PPP2R3A: variants seen among roughly 807,000 people sequenced by gnomAD.
The protein encoded by PPP2R3A is serine/threonine-protein phosphatase 2A regulatory subunit B'' subunit alpha.
PPP2R3A carries 80 observed loss-of-function variants against 106.9 expected under a neutral mutation model. The ratio of observed to expected loss-of-function variants is 0.75; its 90% CI spans 0.62 to 0.90. PPP2R3A has a LOEUF of 0.90. Ranked by LOEUF, PPP2R3A falls within the 40% of genes least tolerant of loss-of-function variation. PPP2R3A has a pLI of 0.00. For synonymous variants in PPP2R3A, 483 were observed against 468.3 expected, an observed-to-expected ratio of 1.03 and a Z score of -0.41; for missense variants, 1,386 against 1,350.4, an observed-to-expected ratio of 1.03 and a Z score of -0.41.
At chr3:136,099,333 A>C (rs901754654) in intron 10 of PPP2R3A, among the ~76,000 whole-genome samples, 2 of 152,218 alleles carry the variant, frequency 1.3e-5, no homozygotes, top group Non-Finnish European at 2.9e-5. Flanking sequence ...AGCCTCTTGC[A>C]CAAAAGATAA....
chr3:135,993,275 G>T (rs1933251306), intron 1 of PPP2R3A, among the ~76,000 whole-genome samples: 7 of 151,948 alleles, frequency 4.6e-5, no homozygotes, highest in Admixed American at 4.6e-4. Context: ...CACAAAAGAA[G>T]ATATATATGA....
intron 2 of PPP2R3A, among the ~76,000 whole-genome samples, chr3:136,010,258 C>CT (rs35997478): frequency 0.032 from 3,899 of 121,260 alleles, 95 homozygotes; most frequent in Middle Eastern, 0.047. Flanking sequence ...TTCTTTCTTT[C>CT]TTTTTTTTTT....
At chr3:136,055,290 T>C (rs1374959260) in intron 5 of PPP2R3A, 3 of 880,908 alleles carry the variant, frequency 3.4e-6, no homozygotes, top group Non-Finnish European at 5.8e-6. Context: ...CCTGAGTCTG[T>C]TGTGTTGGTG....
intron 3 of PPP2R3A, among the ~76,000 whole-genome samples, chr3:136,034,206 T>C (rs569499796): frequency 6.6e-6 from 1 of 152,174 alleles, no homozygotes; most frequent in East Asian, 1.9e-4. Flanking sequence ...CAGCTAATTT[T>C]TGTATTTTTT....
At chr3:136,064,975 A>G (rs957698291) in intron 5 of PPP2R3A, among the ~76,000 whole-genome samples, 1 of 152,238 alleles carries the variant, frequency 6.6e-6, no homozygotes, top group Admixed American at 6.5e-5. Context: ...AAACCTGCAC[A>G]ACATAAAAGT....
chr3:136,088,028 A>G (rs780449202), intron 9 of PPP2R3A, 97 bp downstream of exon 9: 7 of 930,838 alleles, frequency 7.5e-6, no homozygotes, highest in East Asian at 2.5e-5. Context: ...TGGCAGTGCT[A>G]TTGGACCAAA....
At chr3:136,058,194 A>G (rs1017829745) in intron 5 of PPP2R3A, among the ~76,000 whole-genome samples, 1 of 152,218 alleles carries the variant, frequency 6.6e-6, no homozygotes, top group Non-Finnish European at 1.5e-5. Context: ...CAGTCAGGCA[A>G]GAGAAAGAAA....
intron 13 of PPP2R3A, among the ~76,000 whole-genome samples, chr3:136,116,325 C>T (rs1244585150): frequency 6.6e-6 from 1 of 152,190 alleles, no homozygotes; most frequent in East Asian, 1.9e-4. Flanking sequence ...TACAAAGAAA[C>T]TGCATCAACT....
intron 1 of PPP2R3A, among the ~76,000 whole-genome samples, chr3:135,984,336 G>T (rs573557894): frequency 5.3e-5 from 8 of 152,140 alleles, no homozygotes; most frequent in Non-Finnish European, 7.3e-5. Context: ...TGTAACATGC[G>T]TAAATTTTTT....
At chr3:136,124,849 T>C (rs1938127155) in intron 13 of PPP2R3A, among the ~76,000 whole-genome samples, 1 of 152,064 alleles carries the variant, frequency 6.6e-6, no homozygotes, top group South Asian at 2.1e-4. Context: ...GTTAAAAGAA[T>C]TATACGGGAA....
Position 136,020,748 on chromosome 3 carries a change from TGA to T in PPP2R3A, c.1996-6080_1996-6079del, listed in dbSNP as rs140318927. ...AACCCAACTACTAAGGTAAGAAATA[TGA>T]GAGTGTAAGAGAAACTATTAGCCAC... On this transcript the variant is annotated intron_variant, in intron 2 of 13. Transcript: ENST00000264977. Among the ~76,000 whole-genome samples, 1,104 of 152,096 alleles carry T rather than the reference TGA, an allele frequency of 7.3e-3. 11 individuals carry two copies. Among genetic ancestry groups the T allele is most frequent in the African/African-American group, 0.026 (1,083 of 41,496 alleles).
chr3:136,112,136 C>T (rs1937602798), intron 13 of PPP2R3A, among the ~76,000 whole-genome samples: 2 of 152,128 alleles, frequency 1.3e-5, no homozygotes, highest in African/African-American at 2.4e-5. Context: ...ATCTAAGGAA[C>T]ATACCTCAAA....
intron 2 of PPP2R3A, among the ~76,000 whole-genome samples, chr3:136,019,016 C>A (rs955261578): frequency 1.3e-4 from 20 of 152,170 alleles, no homozygotes; most frequent in Admixed American, 3.9e-4. Context: ...GCAGAGAGCA[C>A]CAGTCTTTTG....
chr3:136,045,771 T>C (rs1027384887), intron 4 of PPP2R3A, among the ~76,000 whole-genome samples: 1 of 152,166 alleles, frequency 6.6e-6, no homozygotes, highest in Admixed American at 6.5e-5. Context: ...ACCTGCAGTC[T>C]ACCTGGTAGC....
chr3:136,118,469 T>G (rs555801148), intron 13 of PPP2R3A, among the ~76,000 whole-genome samples: 2 of 152,364 alleles, frequency 1.3e-5, no homozygotes, highest in South Asian at 2.1e-4. Flanking sequence ...ATTGTATATT[T>G]AGAAAACCCC....
intron 3 of PPP2R3A, 24 bp from the exon 4 acceptor site, chr3:136,040,835 C>G: frequency 6.3e-7 from 1 of 1,591,876 alleles, no homozygotes; most frequent in Non-Finnish European, 8.6e-7. Context: ...GTTGGCTTAC[C>G]CTGTATGTGT....
intron 5 of PPP2R3A, among the ~76,000 whole-genome samples, chr3:136,049,647 C>A (rs371888327): frequency 1.3e-5 from 2 of 152,298 alleles, no homozygotes; most frequent in African/African-American, 4.8e-5. Flanking sequence ...TCATCCTCCC[C>A]CTTGCCCACC....
intron 1 of PPP2R3A, among the ~76,000 whole-genome samples, chr3:135,978,629 T>G (rs1227859538): frequency 6.6e-6 from 1 of 151,792 alleles, no homozygotes; most frequent in Non-Finnish European, 1.5e-5. Context: ...CTACAATGTG[T>G]TACAAAGAAA....
At chr3:136,044,973 T>C (rs1160595578) in intron 4 of PPP2R3A, among the ~76,000 whole-genome samples, 1 of 152,180 alleles carries the variant, frequency 6.6e-6, no homozygotes, top group Non-Finnish European at 1.5e-5. Flanking sequence ...GGGTTTTGCA[T>C]GGGAACAGCT....
Sources: allele counts gnomAD v4.1 joint callset (sites outside exome capture counted in the v4.1 genomes callset), GRCh38; gene constraint gnomAD v4.1.1; transcripts MANE v1.5; gene names NCBI Gene and HGNC (gene_info 2026-07-23, HGNC 2026-07-21).